The following PLCB1 variants were observed in gnomAD, a reference collection of about 807,000 sequenced individuals.
PLCB1 encodes phospholipase C beta 1.
Under a neutral mutation model 161.8 loss-of-function variants are expected in PLCB1, and 46 were observed. That is an observed-to-expected ratio of 0.28 (90% CI 0.22 to 0.36). The LOEUF (loss-of-function observed/expected upper bound fraction) is 0.36. Among genes scored for constraint, PLCB1 ranks in the 10% least tolerant of loss-of-function variants. The probability of loss-of-function intolerance (pLI) is 1.00; values close to 1 mark genes in which losing one functional copy is unlikely to be tolerated. For synonymous variants in PLCB1, 517 were observed against 503.7 expected, an observed-to-expected ratio of 1.03 and a Z score of -0.35; for missense variants, 1,016 against 1,472.5, an observed-to-expected ratio of 0.69 and a Z score of 5.07.
intron 3 of PLCB1, among the ~76,000 whole-genome samples, chr20:8,485,291 T>C (rs1309802582): frequency 6.6e-6 from 1 of 152,226 alleles, no homozygotes; most frequent in African/African-American, 2.4e-5. Flanking sequence ...ATTGGGTTTT[T>C]TATAAGCTCT....
At chr20:8,715,627 A>T (rs563409187) in intron 12 of PLCB1, among the ~76,000 whole-genome samples, 13 of 152,214 alleles carry the variant, frequency 8.5e-5, no homozygotes, top group African/African-American at 3.1e-4. Flanking sequence ...TCTGTTATGT[A>T]TATATGAGTT....
At chr20:8,675,355 C>T (rs1990049876) in intron 9 of PLCB1, among the ~76,000 whole-genome samples, 1 of 152,134 alleles carries the variant, frequency 6.6e-6, no homozygotes, top group African/African-American at 2.4e-5. Context: ...TGATGGCACT[C>T]TACCTGGGAG....
chr20:8,323,550 G>T (rs1985010202), intron 2 of PLCB1, among the ~76,000 whole-genome samples: 1 of 152,128 alleles, frequency 6.6e-6, no homozygotes, highest in African/African-American at 2.4e-5. Context: ...TCTCCAGCAG[G>T]ATGGATTCAG....
At chr20:8,491,049 ATATTT>A (rs1174784116) in intron 3 of PLCB1, among the ~76,000 whole-genome samples, 5 of 151,796 alleles carry the variant, frequency 3.3e-5, no homozygotes, top group Admixed American at 1.3e-4. Context: ...AACAGCATAA[ATATTT>A]TACTTTTATA....
chr20:8,305,627 A>AGC (rs1310584197), intron 2 of PLCB1: 1 of 152,264 alleles, frequency 6.6e-6, no homozygotes, highest in East Asian at 1.9e-4. Flanking sequence ...AGTCGCGACT[A>AGC]GCGCCCTCTA....
intron 2 of PLCB1, among the ~76,000 whole-genome samples, chr20:8,235,197 G>A (rs527628804): frequency 3.3e-4 from 50 of 152,098 alleles, no homozygotes; most frequent in South Asian, 2.7e-3. Flanking sequence ...AGATATATGT[G>A]GAGCTTAGAG....
intron 1 of PLCB1, among the ~76,000 whole-genome samples, chr20:8,140,498 A>C (rs2051391348): frequency 6.6e-6 from 1 of 152,160 alleles, no homozygotes. Context: ...GGAATTCAAA[A>C]TCCAGACTAA....
intron 2 of PLCB1, among the ~76,000 whole-genome samples, chr20:8,179,772 A>G (rs1265164714): frequency 7.2e-6 from 1 of 139,560 alleles, no homozygotes; most frequent in African/African-American, 2.7e-5. Flanking sequence ...TCAGTATAAT[A>G]TTGACTGTGG....
chr20:8,396,676 A>G (rs1379549747), intron 3 of PLCB1, among the ~76,000 whole-genome samples: 1 of 152,064 alleles, frequency 6.6e-6, no homozygotes, highest in African/African-American at 2.4e-5. Context: ...AAAAAATTCA[A>G]CTAAATAAGT....
chr20:8,767,838 C>A (rs565370647), intron 26 of PLCB1, among the ~76,000 whole-genome samples: 1 of 152,268 alleles, frequency 6.6e-6, no homozygotes, highest in South Asian at 2.1e-4. Context: ...AACTGGATGG[C>A]TTAAAACAAT....
intron 2 of PLCB1, among the ~76,000 whole-genome samples, chr20:8,282,866 T>G (rs771685333): frequency 6.6e-6 from 1 of 152,186 alleles, no homozygotes; most frequent in Non-Finnish European, 1.5e-5. Context: ...AAAGTATGAG[T>G]ATTAATTAGG....
At chr20:8,611,194 T>A (rs572732342) in intron 3 of PLCB1, among the ~76,000 whole-genome samples, 1 of 152,204 alleles carries the variant, frequency 6.6e-6, no homozygotes, top group East Asian at 1.9e-4. Context: ...TCTTTGTGAA[T>A]GTAAAATTCT....
At chr20:8,858,719 A>T (rs1398676147) in intron 31 of PLCB1, among the ~76,000 whole-genome samples, 1 of 152,114 alleles carries the variant, frequency 6.6e-6, no homozygotes. Context: ...ATATTTCAAC[A>T]GTGTAAACAG....
In PLCB1 at chr20:8,132,715, C is replaced by T. The variant is rs750815075; in HGVS notation, c.64C>T (p.Leu22Phe). 4 of 1,613,006 alleles carry T rather than the reference C, an allele frequency of 2.5e-6. No homozygotes were observed. The highest frequency in any genetic ancestry group is 1.1e-5 in the South Asian group (1 of 91,032). The change falls in exon 1 of 32, where the codon CTC (leucine) becomes TTC (phenylalanine). Residue 22 changes from leucine (L) to phenylalanine (F), a missense_variant. Transcript: ENST00000338037. This position sits in a 1 kb window ranked among gnomAD's most constrained non-coding sequence, Gnocchi z 5.2. The stretch of plus-strand genomic sequence containing the variant: ...CAAGCCCGTGTGCGTGTCCGACAGC[C>T]TCAAGAAGGGCACCAAATTCGTCAA... Reference protein sequence around the residue: ...QLKPVCVSDSLKKGTKFVKWD... With the variant: ...QLKPVCVSDSFKKGTKFVKWD...
chr20:8,205,096 G>T (rs1461978813), intron 2 of PLCB1, among the ~76,000 whole-genome samples: 1 of 152,062 alleles, frequency 6.6e-6, no homozygotes, highest in South Asian at 2.1e-4. Flanking sequence ...ATAATAATCC[G>T]AAAAGACAGA....
At chr20:8,451,509 A>G (rs1285203249) in intron 3 of PLCB1, among the ~76,000 whole-genome samples, 2 of 151,978 alleles carry the variant, frequency 1.3e-5, no homozygotes, top group Non-Finnish European at 1.5e-5. Flanking sequence ...CACCACACCC[A>G]GCTAATTTTT....
At chr20:8,224,530 C>A (rs1979575972) in intron 2 of PLCB1, among the ~76,000 whole-genome samples, 1 of 152,010 alleles carries the variant, frequency 6.6e-6, no homozygotes, top group African/African-American at 2.4e-5. Flanking sequence ...AATGCATAAA[C>A]CATAAATGTT....
chr20:8,684,268 T>TTTA (rs879620724), intron 9 of PLCB1, among the ~76,000 whole-genome samples: 1,584 of 138,376 alleles, frequency 0.011, 39 homozygotes, highest in East Asian at 0.11. Context: ...TTATTTATTT[T>TTTA]TATTTTGAGA....
chr20:8,361,338 T>C (rs1351639804), intron 2 of PLCB1, among the ~76,000 whole-genome samples: 4 of 152,106 alleles, frequency 2.6e-5, no homozygotes, highest in African/African-American at 9.7e-5. Context: ...CCTGTCCAAG[T>C]GTCAGAATGC....
Sources: gnomAD v4.1 joint callset for allele counts (sites outside exome capture counted in the v4.1 genomes callset) on GRCh38, gnomAD v4.1.1 for gene constraint, Gnocchi (gnomAD v3.1) non-coding constraint, MANE v1.5 for transcripts, NCBI Gene and HGNC (gene_info 2026-07-23, HGNC 2026-07-21) for gene names.